Variants in SLCO1A2 observed in about 807,000 individuals in gnomAD.
SLCO1A2 encodes OATP-1.
In SLCO1A2, 67 loss-of-function variants were observed where a neutral mutation model predicts 69.0. That is an observed-to-expected ratio of 0.97 (90% CI 0.80 to 1.19). The LOEUF (loss-of-function observed/expected upper bound fraction) is 1.19, where lower values mean the gene tolerates loss of function less well. SLCO1A2 is among the 50% of genes most tolerant of loss of function. The pLI is 0.00. For missense variants in SLCO1A2, 787 were observed against 793.7 expected (o/e 0.99, Z 0.10); for synonymous variants, 260 against 265.9 (o/e 0.98, Z 0.22).
At chr12:21,334,557 GCACATATATC>G in intron 2 of SLCO1A2, 21 bp downstream of exon 2, 1 of 1,525,078 alleles carries the variant, frequency 6.6e-7, no homozygotes, top group Non-Finnish European at 9.0e-7. Context: ...TAGTGTACAT[GCACATATATC>G]CACATACAAA....
chr12:21,347,600 G>A (rs554068832), intron 2 of SLCO1A2, among the ~76,000 whole-genome samples: 4 of 151,550 alleles, frequency 2.6e-5, no homozygotes, highest in East Asian at 2.0e-4. Flanking sequence ...AGCGGATATC[G>A]TGCCACTGCA....
At chr12:21,392,356 T>C (rs1941201893) in intron 1 of SLCO1A2, among the ~76,000 whole-genome samples, 1 of 152,180 alleles carries the variant, frequency 6.6e-6, no homozygotes. Context: ...AGCCCTCTCT[T>C]CAATTCACCT....
rs550319657 is a variant in SLCO1A2 at position 21,394,985 on chromosome 12, T to C, written c.-269A>G. On this transcript the variant is annotated 5_prime_UTR_variant, in exon 1 of 16. Transcript: ENST00000307378. ...TAAGTGTGCTGTGAAATAACCAAGGTAGTCCCATTAAAATCAGGAACAAGG... is the reference window on the plus strand; with the variant it reads ...TAAGTGTGCTGTGAAATAACCAAGGCAGTCCCATTAAAATCAGGAACAAGG... 9 of 152,524 alleles carry C rather than the reference T, an allele frequency of 5.9e-5. No individual in the cohort carries two copies. In the East Asian group the frequency reaches 1.7e-3, roughly 30 times the overall value. 9.4% of individuals were successfully genotyped at this position (152,524 alleles called of 1,614,324 possible). A position where few individuals can be genotyped will look rare whatever the true frequency, so the allele number is the denominator to read the frequency against.
chr12:21,311,039 G>A (rs151187287), intron 4 of SLCO1A2, among the ~76,000 whole-genome samples: 5 of 152,328 alleles, frequency 3.3e-5, no homozygotes, highest in African/African-American at 1.2e-4. Context: ...CATTTCAACA[G>A]TTTTCACAGG....
chr12:21,288,172 T>C (rs577526299), intron 12 of SLCO1A2, among the ~76,000 whole-genome samples: 6 of 152,126 alleles, frequency 3.9e-5, no homozygotes, highest in Non-Finnish European at 7.4e-5. Context: ...CTGGGCACGA[T>C]AGCTCATGCC....
At chr12:21,316,037 C>T (rs1421714027) in intron 3 of SLCO1A2, among the ~76,000 whole-genome samples, 1 of 152,134 alleles carries the variant, frequency 6.6e-6, no homozygotes, top group Non-Finnish European at 1.5e-5. Flanking sequence ...TTCTAATCAT[C>T]ATTCTCCTCA....
intron 2 of SLCO1A2, among the ~76,000 whole-genome samples, chr12:21,355,517 C>G (rs987645025): frequency 6.6e-6 from 1 of 152,058 alleles, no homozygotes; most frequent in African/African-American, 2.4e-5. Context: ...TCTGGGAGAC[C>G]TAAACTTTGA....
chr12:21,369,014 AC>A (rs1939594529), intron 2 of SLCO1A2, among the ~76,000 whole-genome samples: 1 of 152,186 alleles, frequency 6.6e-6, no homozygotes, highest in African/African-American at 2.4e-5. Context: ...AATAGTTAAA[AC>A]TGTGTGGAGA....
chr12:21,324,121 G>A (rs1028291149), intron 2 of SLCO1A2, among the ~76,000 whole-genome samples: 6 of 152,256 alleles, frequency 3.9e-5, no homozygotes, highest in East Asian at 1.9e-4. Context: ...ATGGAAAATG[G>A]AAGCTATCTC....
intron 1 of SLCO1A2, among the ~76,000 whole-genome samples, chr12:21,377,123 T>C (rs1940255984): frequency 6.6e-6 from 1 of 152,206 alleles, no homozygotes; most frequent in African/African-American, 2.4e-5. Context: ...AGTATTATTA[T>C]GCACTTCTTC....
chr12:21,355,472 T>G lies in SLCO1A2; in HGVS notation c.-63+18927A>C, dbSNP rs572165663. ...GAGTAATCAATAAGTGACAGGAAGTTGTTCTGGGAGAAAATACTGATACAA... is the reference window on the plus strand; with the variant it reads ...GAGTAATCAATAAGTGACAGGAAGTGGTTCTGGGAGAAAATACTGATACAA... On this transcript the variant is annotated intron_variant, in intron 2 of 15. Transcript: ENST00000307378. Among the ~76,000 whole-genome samples the G allele has an allele frequency of 3.0e-4, 46 of 152,284 alleles. No homozygotes were observed. In the South Asian group the frequency reaches 9.1e-3, roughly 30 times the overall value.
intron 1 of SLCO1A2, among the ~76,000 whole-genome samples, chr12:21,402,700 T>C (rs1941745425): frequency 6.6e-6 from 1 of 152,096 alleles, no homozygotes; most frequent in Admixed American, 6.6e-5. Flanking sequence ...CATAGTTAAA[T>C]GATTACAGCA....
intron 14 of SLCO1A2, among the ~76,000 whole-genome samples, chr12:21,271,306 C>T (rs1470242544): frequency 6.6e-6 from 1 of 151,782 alleles, no homozygotes; most frequent in Non-Finnish European, 1.5e-5. Context: ...CATTTTGAGA[C>T]ATAGAGCCTG....
upstream of SLCO1A2, among the ~76,000 whole-genome samples, chr12:21,339,157 A>G (rs1952986738): frequency 1.3e-5 from 2 of 152,066 alleles, no homozygotes; most frequent in Admixed American, 1.3e-4. Flanking sequence ...CATTTATTCT[A>G]CAAATATTTA....
Position 21,307,610 on chromosome 12 carries a change from A to T in SLCO1A2, c.336-622T>A, listed in dbSNP as rs76875176. Among the ~76,000 whole-genome samples, 357 of 151,900 alleles carry T rather than the reference A, an allele frequency of 2.4e-3. 2 individuals are homozygous for T. The highest frequency in any genetic ancestry group is 7.5e-3 in the African/African-American group (307 of 41,162). ...ATGGATTAATAAACTATGACCATTT[A>T]ATTTAAGCAAATTACCACAAGATCC... On this transcript the variant is annotated intron_variant, in intron 4 of 14. Transcript: ENST00000683939.
chr12:21,395,324 A>T (rs1332449489), exon 1 of SLCO1A2: 1 of 153,024 alleles, frequency 6.5e-6, no homozygotes, highest in Admixed American at 6.5e-5. Flanking sequence ...CAGGCTTAAA[A>T]AACGGCGCGC....
intron 2 of SLCO1A2, among the ~76,000 whole-genome samples, chr12:21,325,289 A>G (rs1952131271): frequency 6.6e-6 from 1 of 152,204 alleles, no homozygotes; most frequent in Non-Finnish European, 1.5e-5. Flanking sequence ...CAGATACAAT[A>G]CCAATTTTCA....
At chr12:21,301,311 GC>G (rs1948686768) in intron 6 of SLCO1A2, 42 bp from the exon 7 acceptor site, 2 of 1,370,150 alleles carry the variant, frequency 1.5e-6, no homozygotes, top group Non-Finnish European at 2.0e-6. Flanking sequence ...ACAGTTATAT[GC>G]CCACATAAAG....
chr12:21,405,098 T>G (rs762436992), intron 1 of SLCO1A2, among the ~76,000 whole-genome samples: 41 of 152,020 alleles, frequency 2.7e-4, no homozygotes, highest in Non-Finnish European at 4.9e-4. Context: ...TTTGTAAATT[T>G]AAGTTCCTTG....
Sources: allele counts gnomAD v4.1 joint callset (sites outside exome capture counted in the v4.1 genomes callset), GRCh38; gene constraint gnomAD v4.1.1; transcripts MANE v1.5; gene names NCBI Gene and HGNC (gene_info 2026-07-23, HGNC 2026-07-21).